The following SLC1A1 variants were observed in gnomAD, a reference collection of about 807,000 sequenced individuals.
The protein encoded by SLC1A1 is solute carrier family 1 member 1.
SLC1A1 carries 43 observed loss-of-function variants against 53.3 expected under a neutral mutation model. The observed-to-expected ratio is 0.81, with a 90% CI of 0.63 to 1.04. The LOEUF (loss-of-function observed/expected upper bound fraction) is 1.04. Among genes scored for constraint, SLC1A1 ranks in the 50% least tolerant of loss-of-function variants. The probability of loss-of-function intolerance (pLI) is 0.00; values close to 1 mark genes in which losing one functional copy is unlikely to be tolerated. For synonymous variants in SLC1A1, 307 were observed against 243.2 expected (o/e 1.26, Z -2.44); for missense variants, 748 against 664.9 (o/e 1.12, Z -1.37).
chr9:4,580,450 G>A (rs1174988565), intron 10 of SLC1A1, among the ~76,000 whole-genome samples: 1 of 151,666 alleles, frequency 6.6e-6, no homozygotes, highest in African/African-American at 2.4e-5. Context: ...GTGTTATGGA[G>A]TGCATCTGTG....
intron 8 of SLC1A1, among the ~76,000 whole-genome samples, chr9:4,575,389 T>C (rs1344560330): frequency 6.6e-6 from 1 of 152,172 alleles, no homozygotes; most frequent in Non-Finnish European, 1.5e-5. Context: ...AAAGAAATAA[T>C]CCTAAAGTAT....
chr9:4,507,170 C>A (rs1165134519), intron 1 of SLC1A1, among the ~76,000 whole-genome samples: 3 of 151,950 alleles, frequency 2.0e-5, no homozygotes, highest in African/African-American at 7.3e-5. Flanking sequence ...GGAGGTGGAC[C>A]TTGCAAGTGA....
intron 1 of SLC1A1, among the ~76,000 whole-genome samples, chr9:4,505,272 C>G (rs1238121116): frequency 6.6e-6 from 1 of 152,020 alleles, no homozygotes; most frequent in Admixed American, 6.6e-5. Context: ...TGGTCTTGAA[C>G]TTCTGACCTC....
intron 3 of SLC1A1, among the ~76,000 whole-genome samples, chr9:4,563,814 C>G (rs1819215577): frequency 6.6e-6 from 1 of 152,116 alleles, no homozygotes; most frequent in South Asian, 2.1e-4. Context: ...CATTCCACCC[C>G]CGGAACAGCA....
At chr9:4,538,790 G>T (rs578134507) in intron 1 of SLC1A1, among the ~76,000 whole-genome samples, 1 of 152,236 alleles carries the variant, frequency 6.6e-6, no homozygotes, top group Non-Finnish European at 1.5e-5. Flanking sequence ...AGGAAGAGAT[G>T]AGAAAGGGAT....
intron 1 of SLC1A1, among the ~76,000 whole-genome samples, chr9:4,499,233 C>A (rs190787544): frequency 5.9e-5 from 9 of 151,692 alleles, no homozygotes; most frequent in Admixed American, 5.3e-4. Flanking sequence ...TTAGTAGAGA[C>A]AAAGTTTCAC....
At chr9:4,533,602 C>T in intron 1 of SLC1A1, among the ~76,000 whole-genome samples, 1 of 152,076 alleles carries the variant, frequency 6.6e-6, no homozygotes. Context: ...TAGACTCCTA[C>T]ACAATAATAA....
At chr9:4,533,364 G>C (rs1816549985) in intron 1 of SLC1A1, among the ~76,000 whole-genome samples, 1 of 152,134 alleles carries the variant, frequency 6.6e-6, no homozygotes, top group Non-Finnish European at 1.5e-5. Context: ...AAGGGATGGA[G>C]GAAGATCTAC....
At position 4,583,501 on chromosome 9, in the gene SLC1A1, C is replaced by T. The variant is rs1042153533; in HGVS notation, c.1328+329C>T. 1.3e-5 allele frequency among the ~76,000 whole-genome samples: 2 copies of T among 152,152 alleles called. No homozygotes were observed. The highest frequency in any genetic ancestry group is 4.8e-5 in the African/African-American group (2 of 41,438). On this transcript the variant is annotated intron_variant, in intron 11 of 11. Coordinates refer to ENST00000262352, the MANE Select transcript of SLC1A1 (RefSeq NM_004170.6). The surrounding 1 kb of genome is among the most constrained non-coding windows in gnomAD (Gnocchi z 4.6). ...CCAGAGCCATCCTGACCTATCCCAGCCCTGGTTCAGCATCATAGGCTCAGA... is the reference window on the plus strand; with the variant it reads ...CCAGAGCCATCCTGACCTATCCCAGTCCTGGTTCAGCATCATAGGCTCAGA...
intron 1 of SLC1A1, among the ~76,000 whole-genome samples, chr9:4,521,673 G>A (rs1442917115): frequency 6.6e-6 from 1 of 152,158 alleles, no homozygotes; most frequent in African/African-American, 2.4e-5. Flanking sequence ...TATAATGGCT[G>A]GCTAGTGTCA....
chr9:4,584,229 AAGCCCCTGC>A (rs1182327726), intron 11 of SLC1A1, among the ~76,000 whole-genome samples: 1 of 152,206 alleles, frequency 6.6e-6, no homozygotes, highest in Non-Finnish European at 1.5e-5. Flanking sequence ...CAAATGGCAA[AAGCCCCTGC>A]ACCTGGCTTG....
chr9:4,496,642 C>G (rs1252255197), intron 1 of SLC1A1, among the ~76,000 whole-genome samples: 1 of 152,044 alleles, frequency 6.6e-6, no homozygotes, highest in African/African-American at 2.4e-5. Context: ...TGTCTGTAAT[C>G]CCAGCACTTT....
At chr9:4,566,761 G>A (rs1006454743) in intron 5 of SLC1A1, among the ~76,000 whole-genome samples, 6 of 152,104 alleles carry the variant, frequency 3.9e-5, no homozygotes, top group Admixed American at 3.9e-4. Flanking sequence ...GTGTAACAAA[G>A]CCATGATTTT....
chr9:4,507,655 A>T (rs1394976632), intron 1 of SLC1A1, among the ~76,000 whole-genome samples: 1 of 152,182 alleles, frequency 6.6e-6, no homozygotes, highest in Non-Finnish European at 1.5e-5. Flanking sequence ...CAAGTTTTGT[A>T]AGCAGACCTA....
intron 6 of SLC1A1, among the ~76,000 whole-genome samples, chr9:4,569,052 G>C (rs1438073901): frequency 6.6e-6 from 1 of 152,118 alleles, no homozygotes; most frequent in Non-Finnish European, 1.5e-5. Context: ...ATAACTACCA[G>C]GAATAGAGAG....
chr9:4,552,509 G>C (rs10758632), intron 2 of SLC1A1, among the ~76,000 whole-genome samples: 47,364 of 151,828 alleles, frequency 0.31, 8,176 homozygotes, highest in East Asian at 0.59. Context: ...GAAAGGGGGA[G>C]CACAAGGGTT....
rs1817301771 is a variant in SLC1A1, at chr9:4,544,623, T to C, written c.148T>C (p.Phe50Leu). ...CAGCAACCTCTCAACTCTAGAGAAA[T>C]TCTACTTTGCTTTTCCTGGAGAAAT... ...EHSNLSTLEKFYFAFPGEILM... is the reference protein window; with the variant it reads ...EHSNLSTLEKLYFAFPGEILM... The change falls in exon 2 of 12, where the codon TTC (phenylalanine) becomes CTC (leucine). Residue 50 changes from phenylalanine (F) to leucine (L), a missense_variant. By Grantham distance (22) the Phe-to-Leu change is conservative (BLOSUM62 0). Coordinates refer to ENST00000262352, the MANE Select transcript of SLC1A1 (RefSeq NM_004170.6). 1 of 1,613,718 alleles carries C rather than the reference T, an allele frequency of 6.2e-7. No homozygotes were observed. Among genetic ancestry groups the C allele is most frequent in the Non-Finnish European group, 8.5e-7 (1 of 1,179,642 alleles).
chr9:4,527,526 C>T (rs1035196791), intron 1 of SLC1A1, among the ~76,000 whole-genome samples: 2 of 152,140 alleles, frequency 1.3e-5, no homozygotes, highest in African/African-American at 2.4e-5. Context: ...ATGATCAATA[C>T]ACTAGACTGT....
intron 1 of SLC1A1, among the ~76,000 whole-genome samples, chr9:4,497,384 A>G (rs975328681): frequency 6.6e-6 from 1 of 152,026 alleles, no homozygotes; most frequent in African/African-American, 2.4e-5. Flanking sequence ...CTATATTCTG[A>G]TGTTTCTGCC....
Sources: gnomAD v4.1 joint callset for allele counts (sites outside exome capture counted in the v4.1 genomes callset) on GRCh38, gnomAD v4.1.1 for gene constraint, Gnocchi (gnomAD v3.1) non-coding constraint, MANE v1.5 for transcripts, NCBI Gene and HGNC (gene_info 2026-07-23, HGNC 2026-07-21) for gene names.